The following PCDHGA1 variants were observed in gnomAD, a reference collection of about 807,000 sequenced individuals.
PCDHGA1 encodes the protein protocadherin gamma subfamily A, 1.
A neutral mutation model predicts 58.0 loss-of-function variants in PCDHGA1; 32 were observed. The observed-to-expected ratio is 0.55, with a 90% CI of 0.42 to 0.74. The LOEUF (loss-of-function observed/expected upper bound fraction) is 0.74, where lower values mean the gene tolerates loss of function less well. PCDHGA1 is among the 30% of genes least tolerant of loss of function. PCDHGA1 has a pLI of 0.00. For missense variants in PCDHGA1, 1,205 were observed against 1,182.3 expected (o/e 1.02, Z -0.28); for synonymous variants, 498 against 501.1 (o/e 0.99, Z 0.08).
rs1355845145 is a variant in PCDHGA1 at position 141,356,939 on chromosome 5, G to A, written c.2421+23834G>A. 2 of 1,614,232 alleles carry A rather than the reference G, an allele frequency of 1.2e-6. No homozygotes were observed. The highest frequency in any genetic ancestry group is 1.7e-6 in the Non-Finnish European group (2 of 1,180,038). ...TCCACTGGTGTGGAGCTGGCACCCC[G>A]CTCCGCAGATTCCGGCTACCTGGTG... On this transcript the variant is annotated intron_variant, in intron 1 of 3. Coordinates refer to ENST00000517417, the MANE Select transcript of PCDHGA1 (RefSeq NM_018912.3).
At position 141,380,161 on chromosome 5, in the gene PCDHGA1, A is replaced by G. The variant is rs552815003; in HGVS notation, c.2421+47056A>G. Among the ~76,000 whole-genome samples, 14 of 152,240 alleles carry G rather than the reference A, an allele frequency of 9.2e-5. No individual in the cohort carries two copies. In the South Asian group the frequency reaches 1.5e-3, roughly 16 times the overall value. On this transcript the variant is annotated intron_variant, in intron 1 of 3. Transcript: ENST00000517417. The stretch of plus-strand genomic sequence containing the variant: ...GTGATCCACCCGCCTCAGCCTCTCA[A>G]AGGGCTGGGATTACAGGCATGAGCC...
chr5:141,451,521 T>A (rs1164313767), intron 1 of PCDHGA1, among the ~76,000 whole-genome samples: 2 of 152,148 alleles, frequency 1.3e-5, no homozygotes, highest in African/African-American at 4.8e-5. Flanking sequence ...TTAGAGCAAG[T>A]AAAGGAGAGT....
intron 1 of PCDHGA1, chr5:141,393,324 C>T: frequency 6.2e-7 from 1 of 1,611,210 alleles, no homozygotes; most frequent in Admixed American, 1.7e-5. Context: ...CCAGAGCTAC[C>T]AGCTCAGCCC....
chr5:141,359,893 T>C, intron 1 of PCDHGA1: 1 of 393,452 alleles, frequency 2.5e-6, no homozygotes, highest in Non-Finnish European at 4.5e-6. Flanking sequence ...TTAGCAAATA[T>C]TGACAAGCCA....
At chr5:141,386,251 C>A (rs2090509345) in intron 1 of PCDHGA1, among the ~76,000 whole-genome samples, 2 of 152,070 alleles carry the variant, frequency 1.3e-5, no homozygotes, top group Admixed American at 1.3e-4. Context: ...GGAAATAACC[C>A]AATCTGGGAT....
intron 1 of PCDHGA1, chr5:141,361,586 G>A: frequency 3.7e-6 from 6 of 1,614,058 alleles, no homozygotes; most frequent in Non-Finnish European, 5.1e-6. Flanking sequence ...TTGGGCCCCA[G>A]TGGCCAAGTT....
intron 1 of PCDHGA1, chr5:141,375,949 C>A: frequency 6.2e-7 from 1 of 1,613,568 alleles, no homozygotes; most frequent in Non-Finnish European, 8.5e-7. Flanking sequence ...TGGGCCTGCA[C>A]ACGGGCGAGG....
At chr5:141,484,392 T>G (rs1454201773) in intron 1 of PCDHGA1, among the ~76,000 whole-genome samples, 1 of 152,162 alleles carries the variant, frequency 6.6e-6, no homozygotes, top group African/African-American at 2.4e-5. Flanking sequence ...TAAGAAAGGT[T>G]TGGTTTCCGC....
intron 1 of PCDHGA1, chr5:141,382,822 A>C: frequency 7.6e-7 from 1 of 1,310,696 alleles, no homozygotes; most frequent in Non-Finnish European, 1.1e-6. Context: ...TTCCTAAGAC[A>C]GAGGGGTCCA....
At chr5:141,397,467 G>A (rs1052329651) in intron 1 of PCDHGA1, among the ~76,000 whole-genome samples, 1 of 152,176 alleles carries the variant, frequency 6.6e-6, no homozygotes, top group East Asian at 1.9e-4. Flanking sequence ...ATATTGGGGA[G>A]TTGGAAATCA....
At position 141,340,824 on chromosome 5, in the gene PCDHGA1, C is replaced by T. The variant is rs776431934; in HGVS notation, c.2421+7719C>T. 1.2e-6 allele frequency: 2 copies of T among 1,613,730 alleles called. No individual in the cohort carries two copies. The highest frequency in any genetic ancestry group is 1.7e-5 in the Admixed American group (1 of 60,006). On this transcript the variant is annotated intron_variant, in intron 1 of 3. Transcript: ENST00000517417. ...AAGGCCAGCGAGCCGGGACTCTTCT[C>T]GGTGGGTCTGCACACGGGCGAGGTG...
rs758674133 is a variant in PCDHGA1 at position 141,371,791 on chromosome 5, C to T, written c.2421+38686C>T. 1.9e-6 allele frequency: 3 copies of T among 1,613,820 alleles called. No homozygotes were observed. In the African/African-American group the frequency reaches 4.0e-5, roughly 22 times the overall value. The stretch of plus-strand genomic sequence containing the variant: ...ACCGTGCATGTAGCTGAGAACAATC[C>T]GCCTGGAGCCTCCATTGCGCATGTC... On this transcript the variant is annotated intron_variant, in intron 1 of 3. Coordinates refer to ENST00000517417, the MANE Select transcript of PCDHGA1 (RefSeq NM_018912.3).
rs148433768 is a variant in PCDHGA1 at position 141,385,635 on chromosome 5, C to T, written c.2421+52530C>T. 5.7e-6 allele frequency: 5 copies of T among 870,078 alleles called. No homozygotes were observed. The African/African-American group carries it at 8.9e-5, about 15-fold the overall frequency. 53.9% of individuals were successfully genotyped at this position (870,078 alleles called of 1,614,324 possible). A position where few individuals can be genotyped will look rare whatever the true frequency, so the allele number is the denominator to read the frequency against. On this transcript the variant is annotated intron_variant, in intron 1 of 3. Transcript: ENST00000517417. ...TTTTATACATTGGAATGAATCGAGT[C>T]TTTCATATTGCACAAGGTTAGCAGG...
chr5:141,420,242 A>T (rs1241562871), intron 1 of PCDHGA1: 1 of 1,586,666 alleles, frequency 6.3e-7, no homozygotes, highest in Non-Finnish European at 8.6e-7. Context: ...TTTAACTCCC[A>T]GCGTTGAAGC....
intron 1 of PCDHGA1, chr5:141,390,048 T>C (rs1307418187): frequency 1.2e-6 from 2 of 1,613,948 alleles, no homozygotes; most frequent in African/African-American, 1.3e-5. Context: ...CCCCGCCTCC[T>C]GGAGCTGCTT....
At chr5:141,364,041 A>G (rs1442486662) in intron 1 of PCDHGA1, among the ~76,000 whole-genome samples, 2 of 152,276 alleles carry the variant, frequency 1.3e-5, no homozygotes, top group African/African-American at 4.8e-5. Context: ...ATATGGCAAC[A>G]TTATTAGAAA....
chr5:141,384,922 C>A (rs760972840), intron 1 of PCDHGA1: 1 of 1,614,018 alleles, frequency 6.2e-7, no homozygotes, highest in African/African-American at 1.3e-5. Context: ...CTTGGCCGAC[C>A]TGGGCAGCCT....
intron 1 of PCDHGA1, among the ~76,000 whole-genome samples, chr5:141,381,247 GA>G (rs1777085183): frequency 6.6e-6 from 1 of 152,240 alleles, no homozygotes; most frequent in Non-Finnish European, 1.5e-5. Flanking sequence ...CCAGGACCTA[GA>G]AGAATTTACA....
intron 1 of PCDHGA1, chr5:141,357,612 T>C: frequency 6.2e-7 from 1 of 1,613,924 alleles, no homozygotes; most frequent in Non-Finnish European, 8.5e-7. Context: ...AAGGAGACCC[T>C]AATCTTCAGG....
Sources: gnomAD v4.1 joint callset for allele counts (sites outside exome capture counted in the v4.1 genomes callset) on GRCh38, gnomAD v4.1.1 for gene constraint, MANE v1.5 for transcripts, NCBI Gene and HGNC (gene_info 2026-07-23, HGNC 2026-07-21) for gene names.